The following PLCG1 variants were observed in gnomAD, a reference collection of about 807,000 sequenced individuals.
PLCG1 encodes the protein 1-phosphatidylinositol 4,5-bisphosphate phosphodiesterase gamma-1.
Under a neutral mutation model 177.8 loss-of-function variants are expected in PLCG1, and 71 were observed. The ratio of observed to expected loss-of-function variants is 0.40; its 90% CI spans 0.33 to 0.49. PLCG1 has a LOEUF of 0.49. PLCG1 is among the 20% of genes least tolerant of loss of function. The pLI is 0.72. For missense variants in PLCG1, 1,281 were observed against 1,709.0 expected (o/e 0.75, Z 4.42); for synonymous variants, 658 against 647.9 (o/e 1.02, Z -0.24).
intron 22 of PLCG1, 107 bp from the exon 23 acceptor site, chr20:41,169,350 C>T (rs916556429): frequency 2.0e-6 from 2 of 993,654 alleles, no homozygotes; most frequent in Non-Finnish European, 3.2e-6. Flanking sequence ...CTACATTTGG[C>T]AGTCACAGGT....
rs972564461 is a variant in PLCG1, at chr20:41,148,149, C to T, written c.217+10291C>T. On this transcript the variant is annotated intron_variant, in intron 1 of 31. Coordinates refer to ENST00000685551, the MANE Select transcript of PLCG1 (RefSeq NM_002660.3). The surrounding 1 kb of genome is among the most constrained non-coding windows in gnomAD (Gnocchi z 4.3). ...GACGACTTCCGGTCATTATTTAGAACGTCTCCAGCCCCACAGATTTACTCT... is the reference window on the plus strand; with the variant it reads ...GACGACTTCCGGTCATTATTTAGAATGTCTCCAGCCCCACAGATTTACTCT... Among the ~76,000 whole-genome samples, 1 of 152,196 alleles carries T rather than the reference C, an allele frequency of 6.6e-6. No individual in the cohort carries two copies. The highest frequency in any genetic ancestry group is 1.5e-5 in the Non-Finnish European group (1 of 68,040).
rs777876410 is a variant in PLCG1, at chr20:41,165,482, C to T, written c.1542C>T (p.Ser514=). The change falls in exon 15 of 32, where the codon AGC becomes AGT. Residue 514 remains serine (S), a synonymous_variant. Coordinates refer to ENST00000685551, the MANE Select transcript of PLCG1 (RefSeq NM_002660.3). The surrounding 1 kb of genome is among the most constrained non-coding windows in gnomAD (Gnocchi z 6.6). ...ATCCCCACTACTTTGTTCTGACCAG[C>T]AGCAAGATCTACTACTCTGAGGAGA... is the stretch of plus-strand genomic sequence containing the variant. ...EWYPHYFVLT[S]SKIYYSEETS... The T allele has an allele frequency of 6.2e-7, 1 of 1,614,042 alleles. No homozygotes were observed. Among genetic ancestry groups the T allele is most frequent in the Non-Finnish European group, 8.5e-7 (1 of 1,179,950 alleles).
intron 4 of PLCG1, 44 bp from the exon 5 acceptor site, chr20:41,162,408 T>G: frequency 9.4e-6 from 14 of 1,490,940 alleles, no homozygotes; most frequent in Non-Finnish European, 1.3e-5. Flanking sequence ...TCAGAGGTCA[T>G]GAGAAGCTGG....
Position 41,164,299 on chromosome 20 carries a change from C to T in PLCG1, c.1217+98C>T, listed in dbSNP as rs1344978115. On this transcript the variant is annotated intron_variant, in intron 12 of 31. Transcript: ENST00000685551. This position sits in a 1 kb window ranked among gnomAD's most constrained non-coding sequence, Gnocchi z 6.4. ...AAAGACTCCTCAAATGCCCTGTCCC[C>T]TCTCCCTCAGCCTTTCATCTTTGTC... The T allele has an allele frequency of 8.1e-7, 1 of 1,229,842 alleles. No individual in the cohort carries two copies. Among genetic ancestry groups the T allele is most frequent in the Non-Finnish European group, 1.2e-6 (1 of 850,534 alleles). The allele number at this position is 1,229,842 out of a possible 1,614,324, so 76.2% of individuals were successfully genotyped here.
Position 41,173,589 on chromosome 20 carries a change from T to C in PLCG1, c.3394+55T>C, listed in dbSNP as rs753582688. 4 of 1,614,012 alleles carry C rather than the reference T, an allele frequency of 2.5e-6. No individual in the cohort carries two copies. The Admixed American group carries it at 6.7e-5, about 27-fold the overall frequency. ...ATCCTGCTGGGGCACTGCAAGCCTC[T>C]CCCCACCAGTCATCCCATCCTCTCC... On this transcript the variant is annotated intron_variant, in intron 28 of 31. Transcript: ENST00000685551. The surrounding 1 kb of genome is among the most constrained non-coding windows in gnomAD (Gnocchi z 6.2).
chr20:41,152,700 GGACT>G (rs1322543463), intron 1 of PLCG1, among the ~76,000 whole-genome samples: 1 of 152,246 alleles, frequency 6.6e-6, no homozygotes, highest in African/African-American at 2.4e-5. Context: ...GGTTTGTGTT[GGACT>G]GGTAGGGAAT....
Position 41,164,263 on chromosome 20 carries a change from A to T in PLCG1, c.1217+62A>T, listed in dbSNP as rs2035609412. On this transcript the variant is annotated intron_variant, in intron 12 of 31. Transcript: ENST00000685551. The surrounding 1 kb of genome is among the most constrained non-coding windows in gnomAD (Gnocchi z 6.4). ...GCTCCAGGTCTCTCGTTCTAGAGGG[A>T]CAGAGGGCAGAAAGACTCCTCAAAT... The T allele has an allele frequency of 1.9e-6, 3 of 1,569,982 alleles. No homozygotes were observed. Among genetic ancestry groups the T allele is most frequent in the Non-Finnish European group, 1.7e-6 (2 of 1,143,962 alleles).
Position 41,137,593 on chromosome 20 carries a change from C to G in PLCG1, c.-49C>G. 1 of 1,173,874 alleles carries G rather than the reference C, an allele frequency of 8.5e-7. No individual in the cohort carries two copies. Among genetic ancestry groups the G allele is most frequent in the Admixed American group, 4.2e-5 (1 of 23,698 alleles). 72.7% of individuals were successfully genotyped at this position (1,173,874 alleles called of 1,614,324 possible). On this transcript the variant is annotated 5_prime_UTR_variant, in exon 1 of 32. Transcript: ENST00000685551. The surrounding 1 kb of genome is among the most constrained non-coding windows in gnomAD (Gnocchi z 7.3). ...ACCTCAGCCGCCGCCGTTGCGCTTG[C>G]TCCCGGGCGGTCCTGGCCTGTGCCG...
chr20:41,175,938 A>G lies in PLCG1; in HGVS notation c.*1429A>G, dbSNP rs919086602. On this transcript the variant is annotated 3_prime_UTR_variant, in exon 32 of 32. Coordinates refer to ENST00000685551, the MANE Select transcript of PLCG1 (RefSeq NM_002660.3). ...CCACCCTCTGAGGGTGTGTCTGAGC[A>G]GAGTACATCCTGCCTGGGTTCTTTG... The G allele has an allele frequency of 2.0e-5, 3 of 152,268 alleles. No homozygotes were observed. The highest frequency in any genetic ancestry group is 4.8e-5 in the African/African-American group (2 of 41,452). 9.4% of individuals were successfully genotyped at this position (152,268 alleles called of 1,614,324 possible).
intron 1 of PLCG1, among the ~76,000 whole-genome samples, chr20:41,140,978 C>A (rs2034806532): frequency 6.6e-6 from 1 of 152,170 alleles, no homozygotes; most frequent in South Asian, 2.1e-4. Context: ...CCACGTGGCT[C>A]CTCTGTGAGA....
At position 41,163,316 on chromosome 20, in the gene PLCG1, G is replaced by C; in HGVS notation, c.789+41G>C. On this transcript the variant is annotated intron_variant, in intron 8 of 31. Coordinates refer to ENST00000685551, the MANE Select transcript of PLCG1 (RefSeq NM_002660.3). This position sits in a 1 kb window ranked among gnomAD's most constrained non-coding sequence, Gnocchi z 5.2. ...CATTGGCCCAGGCTGGTAGGTTGTG[G>C]GGGGCTGGGCTCATCCCTGACTGGA... 1.3e-6 allele frequency: 2 copies of C among 1,594,968 alleles called. No individual in the cohort carries two copies. Among genetic ancestry groups the C allele is most frequent in the Non-Finnish European group, 1.7e-6 (2 of 1,167,148 alleles).
chr20:41,177,365 C>A lies in PLCG1; in HGVS notation c.*2856C>A, dbSNP rs2036092971. The A allele has an allele frequency of 6.6e-6, 1 of 152,266 alleles. No homozygotes were observed. The highest frequency in any genetic ancestry group is 6.5e-5 in the Admixed American group (1 of 15,290). 9.4% of individuals were successfully genotyped at this position (152,266 alleles called of 1,614,324 possible). On this transcript the variant is annotated 3_prime_UTR_variant, in exon 32 of 32. Transcript: ENST00000685551. Reference sequence around the variant, plus strand: ...GGAAGATGGCAGGAGCAGTTTCTGACCTCAGTTGAGTATCTGTGGCCATGA... The same window carrying A: ...GGAAGATGGCAGGAGCAGTTTCTGAACTCAGTTGAGTATCTGTGGCCATGA...
intron 1 of PLCG1, among the ~76,000 whole-genome samples, chr20:41,140,889 G>A (rs552755544): frequency 1.3e-5 from 2 of 152,230 alleles, no homozygotes; most frequent in African/African-American, 4.8e-5. Flanking sequence ...TGTTGTGTCA[G>A]TGTGTGCCAG....
Position 41,160,659 on chromosome 20 carries a change from G to A in PLCG1, c.512+506G>A, listed in dbSNP as rs1440091824. On this transcript the variant is annotated intron_variant, in intron 4 of 31. Coordinates refer to ENST00000685551, the MANE Select transcript of PLCG1 (RefSeq NM_002660.3). This position sits in a 1 kb window ranked among gnomAD's most constrained non-coding sequence, Gnocchi z 5.5. Reference sequence around the variant, plus strand: ...CTCAAGATCACTCTGCCTGCTGTGTGGAGAGCTCAGTTAGGAGCTGTTTCC... The same window carrying A: ...CTCAAGATCACTCTGCCTGCTGTGTAGAGAGCTCAGTTAGGAGCTGTTTCC... Among the ~76,000 whole-genome samples the A allele has an allele frequency of 6.6e-6, 1 of 152,198 alleles. No homozygotes were observed. The highest frequency in any genetic ancestry group is 2.4e-5 in the African/African-American group (1 of 41,438).
At position 41,159,836 on chromosome 20, in the gene PLCG1, G is replaced by A; in HGVS notation, c.371-34G>A. The A allele has an allele frequency of 9.9e-6, 16 of 1,611,944 alleles. No homozygotes were observed. Among genetic ancestry groups the A allele is most frequent in the Non-Finnish European group, 1.2e-5 (14 of 1,177,976 alleles). On this transcript the variant is annotated intron_variant, in intron 2 of 31. Coordinates refer to ENST00000685551, the MANE Select transcript of PLCG1 (RefSeq NM_002660.3). The surrounding 1 kb of genome is among the most constrained non-coding windows in gnomAD (Gnocchi z 6.0). ...GGCTCCTGCCCAGTGGGAGGTATGTGCCCTCGGGGCAGCTATTGATACCTT... is the reference window on the plus strand; with the variant it reads ...GGCTCCTGCCCAGTGGGAGGTATGTACCCTCGGGGCAGCTATTGATACCTT...
In PLCG1 at chr20:41,157,571, G is replaced by A. The variant is rs551504962; in HGVS notation, c.218-2035G>A. 1.3e-5 allele frequency among the ~76,000 whole-genome samples: 2 copies of A among 152,282 alleles called. No homozygotes were observed. The highest frequency in any genetic ancestry group is 4.8e-5 in the African/African-American group (2 of 41,558). On this transcript the variant is annotated intron_variant, in intron 1 of 31. Coordinates refer to ENST00000685551, the MANE Select transcript of PLCG1 (RefSeq NM_002660.3). The surrounding 1 kb of genome is among the most constrained non-coding windows in gnomAD (Gnocchi z 5.4). The stretch of plus-strand genomic sequence containing the variant: ...CAGTCATTAAGCAAGCCCTGGAGGG[G>A]CCCTGCCTGGCCTTAGGTATGTGAG...
In PLCG1 at chr20:41,160,006, G is replaced by A. The variant is rs1170042046; in HGVS notation, c.464+43G>A. The A allele has an allele frequency of 3.8e-6, 6 of 1,599,680 alleles. No homozygotes were observed. The highest frequency in any genetic ancestry group is 4.3e-6 in the Non-Finnish European group (5 of 1,166,840). ...AGGGGTTAGGGCTGGGAGCATTAGG[G>A]ACCAGGGGGACAGGGACAGCAGACC... On this transcript the variant is annotated intron_variant, in intron 3 of 31. Coordinates refer to ENST00000685551, the MANE Select transcript of PLCG1 (RefSeq NM_002660.3). This position sits in a 1 kb window ranked among gnomAD's most constrained non-coding sequence, Gnocchi z 5.5.
chr20:41,165,476 G>T lies in PLCG1; in HGVS notation c.1536G>T (p.Leu512=). Residue 512 remains leucine (L), a synonymous_variant, in exon 15 of 32, where the codon CTG becomes CTT. Coordinates refer to ENST00000685551, the MANE Select transcript of PLCG1 (RefSeq NM_002660.3). The surrounding 1 kb of genome is among the most constrained non-coding windows in gnomAD (Gnocchi z 6.6). The part of the protein sequence containing the change: ...NHEWYPHYFV[L]TSSKIYYSEE... ...AATGGTATCCCCACTACTTTGTTCT[G>T]ACCAGCAGCAAGATCTACTACTCTG... The T allele has an allele frequency of 6.2e-7, 1 of 1,614,008 alleles. No individual in the cohort carries two copies. The highest frequency in any genetic ancestry group is 1.1e-5 in the South Asian group (1 of 91,030).
At position 41,174,811 on chromosome 20, in the gene PLCG1, C is replaced by G. The variant is rs902159077; in HGVS notation, c.*302C>G. On this transcript the variant is annotated 3_prime_UTR_variant, in exon 32 of 32. Transcript: ENST00000685551. This position sits in a 1 kb window ranked among gnomAD's most constrained non-coding sequence, Gnocchi z 5.8. The stretch of plus-strand genomic sequence containing the variant: ...CATCTTGTGGGGCCAGGACCATGGC[C>G]GAAGCCCCTTGGAGAGAGAGGCTGC... 1 of 415,202 alleles carries G rather than the reference C, an allele frequency of 2.4e-6. No homozygotes were observed. The highest frequency in any genetic ancestry group is 4.5e-6 in the Non-Finnish European group (1 of 224,160). The allele number at this position is 415,202 out of a possible 1,614,324, so 25.7% of individuals were successfully genotyped here. A position where few individuals can be genotyped will look rare whatever the true frequency, so the allele number is the denominator to read the frequency against.
Sources: allele counts gnomAD v4.1 joint callset (sites outside exome capture counted in the v4.1 genomes callset), GRCh38; gene constraint gnomAD v4.1.1; non-coding constraint Gnocchi (gnomAD v3.1); transcripts MANE v1.5; gene names NCBI Gene and HGNC (gene_info 2026-07-23, HGNC 2026-07-21).